The following FERMT2 variants were observed in gnomAD, a reference collection of about 807,000 sequenced individuals.
The protein encoded by FERMT2 is FERM domain containing kindlin 2, also known as fermitin family homolog 2.
Under a neutral mutation model 82.7 loss-of-function variants are expected in FERMT2, and 15 were observed. The ratio of observed to expected loss-of-function variants is 0.18; its 90% confidence interval spans 0.12 to 0.28. The LOEUF (loss-of-function observed/expected upper bound fraction) is 0.28, where lower values mean the gene tolerates loss of function less well. Among genes scored for constraint, FERMT2 ranks in the 10% least tolerant of loss-of-function variants. The pLI, the probability that FERMT2 is intolerant of heterozygous loss-of-function variation, is 1.00. For synonymous variants in FERMT2, 274 were observed against 271.5 expected (o/e 1.01, Z -0.09); for missense variants, 645 against 809.4 (o/e 0.80, Z 2.46).
chr14:52,902,625 T>C (rs147870107), intron 3 of FERMT2, among the ~76,000 whole-genome samples: 58 of 151,570 alleles, frequency 3.8e-4, no homozygotes, highest in East Asian at 3.5e-3. Context: ...TCCCAGCACT[T>C]TGGGAGGCCG....
intron 9 of FERMT2, among the ~76,000 whole-genome samples, chr14:52,873,356 G>A (rs902311123): frequency 1.5e-4 from 23 of 152,220 alleles, no homozygotes; most frequent in Admixed American, 7.2e-4. Flanking sequence ...TACCTGGCAG[G>A]ACTGAAAGTG....
At chr14:52,878,712 T>A in intron 6 of FERMT2, 23 bp from the exon 7 acceptor site, 1 of 1,270,112 alleles carries the variant, frequency 7.9e-7, no homozygotes, top group South Asian at 1.4e-5. Context: ...AAATAGTTCT[T>A]TTGTAATATA....
intron 2 of FERMT2, chr14:52,948,698 T>C (rs1376755540): frequency 7.3e-6 from 3 of 412,330 alleles, no homozygotes; most frequent in South Asian, 3.7e-5. Flanking sequence ...TGTGATTCTA[T>C]AATAAACAGT....
At chr14:52,902,435 C>T (rs574135532) in intron 3 of FERMT2, among the ~76,000 whole-genome samples, 165 of 151,614 alleles carry the variant, frequency 1.1e-3, no homozygotes, top group African/African-American at 3.8e-3. Context: ...GATTAAGAGA[C>T]TTTAGATATT....
Position 52,901,280 on chromosome 14 carries a change from C to CAAAA in FERMT2, c.392-7857_392-7854dup, listed in dbSNP as rs10638877. Among the ~76,000 whole-genome samples the CAAAA allele has an allele frequency of 4.4e-3, 247 of 56,608 alleles. 6 individuals carry two copies. The highest frequency in any genetic ancestry group is 0.02 in the Middle Eastern group (1 of 50). The allele number at this position is 56,608 out of a possible 152,430, so 37.1% of individuals were successfully genotyped here. On this transcript the variant is annotated intron_variant, in intron 3 of 14. Transcript: ENST00000341590. Reference sequence around the variant, plus strand: ...TAGGCGACAGAGCGAGACTCTGTCTCAAAAAAAAAAAAAAAAAAAAGCCCC... The same window carrying CAAAA: ...TAGGCGACAGAGCGAGACTCTGTCTCAAAAAAAAAAAAAAAAAAAAAAAAGCCCC...
Position 52,859,618 on chromosome 14 carries a change from A to T in FERMT2, c.1824T>A (p.Arg608=). The change falls in exon 14 of 15, where the codon CGT becomes CGA. Residue 608 remains arginine, a synonymous_variant. Transcript: ENST00000341590. ...ASTGDAIKTW[R]FSNMKQWNVN... ...CATTCCACTGTTTCATGTTGCTGAA[A>T]CGCCATGTTTTAATTGCATCTCCAG... 1 of 1,611,310 alleles carries T rather than the reference A, an allele frequency of 6.2e-7. No homozygotes were observed. Among genetic ancestry groups the T allele is most frequent in the Non-Finnish European group, 8.5e-7 (1 of 1,178,540 alleles).
At chr14:52,944,346 G>A (rs1890225999) in intron 2 of FERMT2, among the ~76,000 whole-genome samples, 1 of 152,196 alleles carries the variant, frequency 6.6e-6, no homozygotes, top group African/African-American at 2.4e-5. Flanking sequence ...GATGCATCAT[G>A]TAGGCATTAA....
At chr14:52,925,136 CCTATT>C (rs1889181127) in intron 2 of FERMT2, among the ~76,000 whole-genome samples, 1 of 152,122 alleles carries the variant, frequency 6.6e-6, no homozygotes, top group African/African-American at 2.4e-5. Flanking sequence ...CAAGAACATA[CCTATT>C]CTATTCATTA....
At chr14:52,869,781 CAGA>C (rs1885505048) in intron 10 of FERMT2, among the ~76,000 whole-genome samples, 2 of 151,954 alleles carry the variant, frequency 1.3e-5, no homozygotes, top group African/African-American at 4.8e-5. Flanking sequence ...AGGGGTATTC[CAGA>C]AGAAGGCATT....
intron 3 of FERMT2, among the ~76,000 whole-genome samples, chr14:52,901,105 CAAAAAAAAAAAAAAA>C (rs71125146): frequency 1.5e-5 from 1 of 68,620 alleles, no homozygotes; most frequent in Non-Finnish European, 2.6e-5. Flanking sequence ...ACTAAAAATA[CAAAAAAAAAAAAAAA>C]AAAAAAAAAA....
chr14:52,913,865 G>C (rs1888465711), intron 3 of FERMT2, among the ~76,000 whole-genome samples: 1 of 152,074 alleles, frequency 6.6e-6, no homozygotes, highest in South Asian at 2.1e-4. Context: ...TAGGAAAAAA[G>C]TGACGAGATT....
intron 2 of FERMT2, 126 bp from the exon 3 acceptor site, chr14:52,919,482 G>C: frequency 1.5e-6 from 1 of 658,402 alleles, no homozygotes; most frequent in Non-Finnish European, 2.6e-6. Context: ...ACTGTTATGT[G>C]ACAGGTACAA....
chr14:52,900,819 G>A (rs1887580631), intron 3 of FERMT2, among the ~76,000 whole-genome samples: 1 of 151,988 alleles, frequency 6.6e-6, no homozygotes, highest in African/African-American at 2.4e-5. Context: ...ACACCCTTTA[G>A]GATCCTTTAC....
At chr14:52,931,277 AT>A (rs1889554079) in intron 2 of FERMT2, among the ~76,000 whole-genome samples, 1 of 152,188 alleles carries the variant, frequency 6.6e-6, no homozygotes, top group East Asian at 1.9e-4. Context: ...AAAGAACAAA[AT>A]GTCACAGAGG....
At chr14:52,919,611 T>C (rs1367465850) in intron 2 of FERMT2, among the ~76,000 whole-genome samples, 1 of 152,128 alleles carries the variant, frequency 6.6e-6, no homozygotes, top group African/African-American at 2.4e-5. Flanking sequence ...ATGGGACACA[T>C]GGATGACAGA....
At chr14:52,875,498 A>G in intron 7 of FERMT2, 141 bp from the exon 8 acceptor site, 1 of 591,472 alleles carries the variant, frequency 1.7e-6, no homozygotes, top group Non-Finnish European at 2.9e-6. Context: ...ACGATAGGAA[A>G]TAAATACCTG....
intron 12 of FERMT2, 57 bp downstream of exon 12, chr14:52,864,344 T>A: frequency 1.5e-6 from 2 of 1,298,114 alleles, no homozygotes; most frequent in Non-Finnish European, 2.2e-6. Flanking sequence ...AACAAAGTTA[T>A]GTACAAAATT....
At chr14:52,914,641 C>T (rs1050996824) in intron 3 of FERMT2, among the ~76,000 whole-genome samples, 2 of 151,750 alleles carry the variant, frequency 1.3e-5, no homozygotes, top group South Asian at 2.1e-4. Flanking sequence ...AAGAGAAGGC[C>T]GGGCATGGTG....
chr14:52,944,566 C>T (rs779613790), intron 2 of FERMT2, among the ~76,000 whole-genome samples: 6 of 152,104 alleles, frequency 3.9e-5, no homozygotes, highest in Non-Finnish European at 8.8e-5. Context: ...GTAACGAAGC[C>T]CCTCATGTAA....
Sources: gnomAD v4.1 joint callset for allele counts (sites outside exome capture counted in the v4.1 genomes callset) on GRCh38, gnomAD v4.1.1 for gene constraint, MANE v1.5 for transcripts, NCBI Gene and HGNC (gene_info 2026-07-23, HGNC 2026-07-21) for gene names.